SACS: variants seen among roughly 807,000 people sequenced by gnomAD.
SACS encodes the protein sacsin molecular chaperone.
A neutral mutation model predicts 348.0 loss-of-function variants in SACS; 197 were observed. That is an observed-to-expected ratio of 0.57 (90% CI 0.50 to 0.64). SACS has a LOEUF of 0.64. SACS is among the 30% of genes least tolerant of loss of function. The pLI, the probability that SACS is intolerant of heterozygous loss-of-function variation, is 0.00. For missense variants in SACS, 4,999 were observed against 5,360.8 expected, an observed-to-expected ratio of 0.93 and a Z score of 2.11; for synonymous variants, 1,985 against 1,910.6, an observed-to-expected ratio of 1.04 and a Z score of -1.02.
intron 1 of SACS, among the ~76,000 whole-genome samples, chr13:23,415,413 T>C (rs1411762797): frequency 6.6e-6 from 1 of 152,182 alleles, no homozygotes; most frequent in Non-Finnish European, 1.5e-5. Context: ...GTTCCTTTCC[T>C]GGAAACTTAG....
intron 2 of SACS, among the ~76,000 whole-genome samples, chr13:23,389,857 G>A (rs923029820): frequency 2.6e-5 from 4 of 152,150 alleles, no homozygotes; most frequent in African/African-American, 9.7e-5. Flanking sequence ...GGGAGTTGGG[G>A]GATGGACAAG....
Position 23,353,969 on chromosome 13 carries a change from A to G in SACS, c.2094-93T>C, listed in dbSNP as rs957688848. On this transcript the variant is annotated intron_variant, in intron 8 of 9. Transcript: ENST00000382292. ...ACATATTTTCAAGTCAGTTAAGCCG[A>G]CTATTTTATTTTACATAAATTATAA... 12 of 797,012 alleles carry G rather than the reference A, an allele frequency of 1.5e-5. No homozygotes were observed. The Admixed American group carries it at 1.9e-4, about 12-fold the overall frequency. The allele number at this position is 797,012 out of a possible 1,614,324, so 49.4% of individuals were successfully genotyped here. A position where few individuals can be genotyped will look rare whatever the true frequency, so the allele number is the denominator to read the frequency against.
chr13:23,329,226 C>T lies in SACS; in HGVS notation c.*910G>A, dbSNP rs1308999933. On this transcript the variant is annotated 3_prime_UTR_variant, in exon 10 of 10. Coordinates refer to ENST00000382292, the MANE Select transcript of SACS (RefSeq NM_014363.6). ...TGTTTTTAAAGTTAAAAAAACTCCACTACATGCCATATTGAAAGAAAAGGT... is the reference window on the plus strand; with the variant it reads ...TGTTTTTAAAGTTAAAAAAACTCCATTACATGCCATATTGAAAGAAAAGGT... 3 of 489,310 alleles carry T rather than the reference C, an allele frequency of 6.1e-6. No individual in the cohort carries two copies. The highest frequency in any genetic ancestry group is 1.1e-5 in the Non-Finnish European group (3 of 281,366). 30.3% of individuals were successfully genotyped at this position (489,310 alleles called of 1,614,324 possible).
rs2137743585 is a variant in SACS, at chr13:23,358,489, T to C, written c.458-8A>G. 6.2e-7 allele frequency: 1 copy of C among 1,614,102 alleles called. No homozygotes were observed. Among genetic ancestry groups the C allele is most frequent in the Admixed American group, 1.7e-5 (1 of 60,030 alleles). On this transcript the variant is annotated splice_region_variant and splice_polypyrimidine_tract_variant and intron_variant, in intron 6 of 9. Transcript: ENST00000382292. Reference sequence around the variant, plus strand: ...ACACATAGAGAGCTGGCCCTAGGTGTGAAAATGCGCAGGCAGGAATTCAAA... The same window carrying C: ...ACACATAGAGAGCTGGCCCTAGGTGCGAAAATGCGCAGGCAGGAATTCAAA...
rs756241123 is a variant in SACS, at chr13:23,330,150, G to T, written c.13726C>A (p.Gln4576Lys). The change falls in exon 10 of 10, where the codon CAA becomes AAA. Residue 4576 changes from glutamine (Q) to lysine (K), a missense_variant. By Grantham distance (53) the Gln-to-Lys change is moderately conservative. This residue lies in a region of SACS where 254 missense variants were observed against 275.1 expected (regional missense o/e 0.92). Coordinates refer to ENST00000382292, the MANE Select transcript of SACS (RefSeq NM_014363.6). ...CIIIKLENFMQQKV is the reference protein window; with the variant it reads ...CIIIKLENFMKQKV The stretch of plus-strand genomic sequence containing the variant: ...GTTAAATATCTTCACACTTTTTGTT[G>T]CATAAAATTTTCAAGTTTTATTATG... 2.5e-6 allele frequency: 4 copies of T among 1,613,122 alleles called. No homozygotes were observed. The East Asian group carries it at 8.9e-5, about 36-fold the overall frequency.
In SACS at chr13:23,333,297, T is replaced by C. The variant is rs1883611620; in HGVS notation, c.10579A>G (p.Ile3527Val). 6.2e-7 allele frequency: 1 copy of C among 1,605,226 alleles called. No individual in the cohort carries two copies. Among genetic ancestry groups the C allele is most frequent in the Non-Finnish European group, 8.5e-7 (1 of 1,177,286 alleles). The change falls in exon 10 of 10, where the codon ATC becomes GTC. Residue 3527 changes from isoleucine to valine, a missense_variant. By Grantham distance (29) the Ile-to-Val change is conservative. Coordinates refer to ENST00000382292, the MANE Select transcript of SACS (RefSeq NM_014363.6). Reference sequence around the variant, plus strand: ...TTTAGTCTACTGTTAGCATCATGGATTATCAATAAACTTTCCAGTTTTTCA... The same window carrying C: ...TTTAGTCTACTGTTAGCATCATGGACTATCAATAAACTTTCCAGTTTTTCA... ...LFEKLESLLI[I>V]HDANSRLKQA...
Position 23,340,686 on chromosome 13 carries a change from G to A in SACS, c.3190C>T (p.Leu1064Phe), listed in dbSNP as rs776315930. Reference sequence around the variant, plus strand: ...TAGGTTCCTTCTTCATTACAAAAGAGATCCTTTAGTACTTCTATATCAGGG... The same window carrying A: ...TAGGTTCCTTCTTCATTACAAAAGAAATCCTTTAGTACTTCTATATCAGGG... ...FDPDIEVLKD[L>F]FCNEEGTYFP... Residue 1064 changes from leucine (L) to phenylalanine (F), a missense_variant, in exon 10 of 10, where the codon CTC becomes TTC. Physicochemically the swap from Leu to Phe is conservative, Grantham distance 22. Coordinates refer to ENST00000382292, the MANE Select transcript of SACS (RefSeq NM_014363.6). 2.5e-6 allele frequency: 4 copies of A among 1,592,488 alleles called. No individual in the cohort carries two copies. The highest frequency in any genetic ancestry group is 3.4e-6 in the Non-Finnish European group (4 of 1,172,560).
chr13:23,336,139 C>T lies in SACS; in HGVS notation c.7737G>A (p.Lys2579=), dbSNP rs139279302. 473 of 1,613,438 alleles carry T rather than the reference C, an allele frequency of 2.9e-4. No individual in the cohort carries two copies. The African/African-American group carries it at 5.7e-3, about 20-fold the overall frequency. The change falls in exon 10 of 10, where the codon AAG becomes AAA. Residue 2579 remains lysine, a synonymous_variant. Coordinates refer to ENST00000382292, the MANE Select transcript of SACS (RefSeq NM_014363.6). ...QHPVDRIFDD[K]WAPLQGPALC... ...GTGCTGGCCCTTGCAATGGGGCCCA[C>T]TTATCATCAAATATTCTATCAACTG...
chr13:23,366,112 T>G (rs922855275), intron 5 of SACS, among the ~76,000 whole-genome samples: 1 of 152,122 alleles, frequency 6.6e-6, no homozygotes, highest in Non-Finnish European at 1.5e-5. Context: ...CTTTTTTACT[T>G]CCCCAGAGCC....
At chr13:23,354,265 AG>A (rs1388933301) in intron 8 of SACS, among the ~76,000 whole-genome samples, 2 of 152,192 alleles carry the variant, frequency 1.3e-5, no homozygotes, top group Non-Finnish European at 2.9e-5. Flanking sequence ...CATTGTTTTC[AG>A]TGTTCTGCTA....
chr13:23,374,790 TTACA>T (rs1871633694), intron 3 of SACS, among the ~76,000 whole-genome samples: 1 of 152,164 alleles, frequency 6.6e-6, no homozygotes, highest in Non-Finnish European at 1.5e-5. Flanking sequence ...CTTAAACTTA[TTACA>T]TAAATAGAAA....
chr13:23,404,777 A>G (rs1164718880), intron 2 of SACS, among the ~76,000 whole-genome samples: 2 of 152,220 alleles, frequency 1.3e-5, no homozygotes, highest in Admixed American at 6.5e-5. Flanking sequence ...TACACCAATA[A>G]TAGCCAAATC....
Position 23,331,267 on chromosome 13 carries a change from A to G in SACS, c.12609T>C (p.Tyr4203=), listed in dbSNP as rs1446053286. 5.6e-6 allele frequency: 9 copies of G among 1,614,080 alleles called. No individual in the cohort carries two copies. Among genetic ancestry groups the G allele is most frequent in the Non-Finnish European group, 7.6e-6 (9 of 1,179,960 alleles). ...TTTCAACTTCTTGTACAATAATTGC[A>G]TATGTGTATGTTGGCTGGTATGATC... ...IYGSYQPTYT[Y]AIIVQEVERE... Residue 4203 remains tyrosine (Y), a synonymous_variant, in exon 10 of 10, where the codon TAT becomes TAC. Coordinates refer to ENST00000382292, the MANE Select transcript of SACS (RefSeq NM_014363.6).
In SACS at chr13:23,338,568, C is replaced by T. The variant is rs754798395; in HGVS notation, c.5308G>A (p.Val1770Met). 5.0e-6 allele frequency: 8 copies of T among 1,614,056 alleles called. No individual in the cohort carries two copies. The highest frequency in any genetic ancestry group is 6.8e-6 in the Non-Finnish European group (8 of 1,179,966). The change falls in exon 10 of 10, where the codon GTG becomes ATG. Residue 1770 changes from valine (V) to methionine (M), a missense_variant. By Grantham distance (21) the Val-to-Met change is conservative. Coordinates refer to ENST00000382292, the MANE Select transcript of SACS (RefSeq NM_014363.6). ...LQITVEEFHHVFRRIADLQSP... is the reference protein window; with the variant it reads ...LQITVEEFHHMFRRIADLQSP... ...TGTAAATCAGCAATCCTTCTGAACA[C>T]ATGGTGAAATTCTTCCACTGTGATC...
chr13:23,371,880 T>C (rs1018582057), intron 3 of SACS, among the ~76,000 whole-genome samples: 2 of 152,244 alleles, frequency 1.3e-5, no homozygotes, highest in African/African-American at 2.4e-5. Flanking sequence ...AGGTAAGTAC[T>C]AACACTGTTC....
intron 5 of SACS, among the ~76,000 whole-genome samples, chr13:23,367,526 T>G (rs1046039088): frequency 2.6e-5 from 4 of 152,232 alleles, no homozygotes; most frequent in Non-Finnish European, 5.9e-5. Context: ...ACACAAAATC[T>G]AATTTTTGCA....
At chr13:23,409,302 G>T (rs191760624) in intron 2 of SACS, among the ~76,000 whole-genome samples, 2 of 147,768 alleles carry the variant, frequency 1.4e-5, no homozygotes, top group African/African-American at 5.0e-5. Context: ...TGATCCGCCC[G>T]CCTCGGCCTC....
rs1033727597 is a variant in SACS, at chr13:23,411,472, G to A, written c.-233C>T. ...AAGTATGACTCTCCAGTCTGATAAT[G>A]GTTGCCTGCTGATCCAGCGACCCAT... On this transcript the variant is annotated 5_prime_UTR_variant, in exon 2 of 10. Transcript: ENST00000382292. The A allele has an allele frequency of 3.5e-6, 2 of 564,952 alleles. No homozygotes were observed. The highest frequency in any genetic ancestry group is 6.2e-6 in the Non-Finnish European group (2 of 320,486). The allele number at this position is 564,952 out of a possible 1,614,324, so 35.0% of individuals were successfully genotyped here.
chr13:23,368,578 T>TTGTATAGTTATATG, intron 4 of SACS, 91 bp from the exon 5 acceptor site: 1 of 883,178 alleles, frequency 1.1e-6, no homozygotes, highest in Non-Finnish European at 1.9e-6. Context: ...ATCATATAAC[T>TTGTATAGTTATATG]ATACAAGTTA....
Sources: gnomAD v4.1 joint callset for allele counts (sites outside exome capture counted in the v4.1 genomes callset) on GRCh38, gnomAD v4.1.1 for gene constraint, gnomAD v4.1.1 regional missense constraint, MANE v1.5 for transcripts, NCBI Gene and HGNC (gene_info 2026-07-23, HGNC 2026-07-21) for gene names.